Variants in ZNF695 observed in about 807,000 individuals in gnomAD.
The protein encoded by ZNF695 is zinc finger protein SBZF3.
A neutral mutation model predicts 11.2 loss-of-function variants in ZNF695; 11 were observed. That is an observed-to-expected ratio of 0.98 (90% CI 0.62 to 1.62). ZNF695 has a LOEUF of 1.62. Ranked by LOEUF, ZNF695 falls within the 40% of genes most tolerant of loss-of-function variation. The pLI, the probability that ZNF695 is intolerant of heterozygous loss-of-function variation, is 0.00. For synonymous variants in ZNF695, 190 were observed against 201.4 expected (o/e 0.94, Z 0.48); for missense variants, 559 against 590.5 (o/e 0.95, Z 0.55).
At position 246,987,072 on chromosome 1, in the gene ZNF695, T is replaced by C; in HGVS notation, c.1443A>G (p.Lys481=). ...TCTCTCTGGTATGAATTGTCTTATG[T>C]TTAGAAAGGTGTGAGCTCTGGCCAA... ...KAFGQSSHLS[K]HKTIHTREKP... The change falls in exon 4 of 4, where the codon AAA becomes AAG. Residue 481 remains lysine (K), a synonymous_variant. Transcript: ENST00000339986. 1 of 1,613,854 alleles carries C rather than the reference T, an allele frequency of 6.2e-7. No individual in the cohort carries two copies. Among genetic ancestry groups the C allele is most frequent in the Non-Finnish European group, 8.5e-7 (1 of 1,179,958 alleles).
intron 4 of ZNF695, among the ~76,000 whole-genome samples, chr1:246,977,306 G>T (rs1392891458): frequency 6.6e-6 from 1 of 152,224 alleles, no homozygotes; most frequent in Non-Finnish European, 1.5e-5. Context: ...GCCCAGGCTG[G>T]AGTGCAGTGG....
At position 246,978,690 on chromosome 1, in the gene ZNF695, C is replaced by T. The variant is rs146775368; in HGVS notation, c.390+9435G>A. 3.9e-3 allele frequency among the ~76,000 whole-genome samples: 591 copies of T among 152,268 alleles called. 5 individuals carry two copies. Among genetic ancestry groups the T allele is most frequent in the African/African-American group, 0.013 (548 of 41,552 alleles). ...GACTATGTTAACTCAGGATAAACTA[C>T]GGCTCAGGTACTGCAGAGGCTGCTG... On this transcript the variant is annotated intron_variant, in intron 4 of 5. Coordinates refer to the ZNF695 transcript ENST00000487338.
chr1:246,984,712 G>T (rs1184968210), downstream of ZNF695, among the ~76,000 whole-genome samples: 1 of 152,124 alleles, frequency 6.6e-6, no homozygotes, highest in Non-Finnish European at 1.5e-5. Flanking sequence ...AAGTTGGCTC[G>T]AATAGTGTTC....
chr1:246,974,167 A>AAAC (rs1668501010), intron 4 of ZNF695, among the ~76,000 whole-genome samples: 1 of 151,804 alleles, frequency 6.6e-6, no homozygotes, highest in Non-Finnish European at 1.5e-5. Context: ...CAAACAAAAA[A>AAAC]AAACAAACAA....
chr1:246,988,251 C>T lies in ZNF695; in HGVS notation c.264G>A (p.Leu88=). 2 of 1,541,988 alleles carry T rather than the reference C, an allele frequency of 1.3e-6. No individual in the cohort carries two copies. The highest frequency in any genetic ancestry group is 1.7e-6 in the Non-Finnish European group (2 of 1,149,582). Residue 88 remains leucine, a synonymous_variant, in exon 4 of 4, where the codon TTG becomes TTA. Coordinates refer to ENST00000339986, the MANE Select transcript of ZNF695 (RefSeq NM_020394.5). ...AAATGTCTTCAGTAAGATAAGAAGA[C>T]AAAACTGGAAAAAATAAAAACAACA... ...NTEKTARHSV[L]SSYLTEDILP...
chr1:246,965,356 C>CAAA (rs576946423), intron 5 of ZNF695, among the ~76,000 whole-genome samples: 2 of 67,472 alleles, frequency 3.0e-5, no homozygotes, highest in African/African-American at 4.6e-5. Context: ...GACTCTGTCT[C>CAAA]AAAAAAAAAA....
chr1:246,968,059 AC>A (rs141946546), intron 4 of ZNF695: 1,548 of 153,658 alleles, frequency 0.01, 24 homozygotes, highest in African/African-American at 0.035. Flanking sequence ...TGCTTTCCAA[AC>A]AGTCTCCCAA....
chr1:246,973,174 C>T (rs566697478), intron 4 of ZNF695, among the ~76,000 whole-genome samples: 1 of 151,886 alleles, frequency 6.6e-6, no homozygotes, highest in Non-Finnish European at 1.5e-5. Context: ...CTCAGCCTCC[C>T]GAGTAGCTGG....
intron 3 of ZNF695, among the ~76,000 whole-genome samples, chr1:246,996,823 G>C (rs1669225998): frequency 6.6e-6 from 1 of 152,116 alleles, no homozygotes; most frequent in South Asian, 2.1e-4. Flanking sequence ...ATCTGAAACA[G>C]ATCCTTAAAA....
chr1:246,955,384 T>C (rs778152578), intron 5 of ZNF695, among the ~76,000 whole-genome samples: 2 of 152,204 alleles, frequency 1.3e-5, no homozygotes, highest in Non-Finnish European at 2.9e-5. Flanking sequence ...ATTGTAACCT[T>C]AGGGGATCAC....
Position 246,951,225 on chromosome 1 carries a change from A to G in ZNF695, c.489-5398T>C, listed in dbSNP as rs143460868. Reference sequence around the variant, plus strand: ...TATGCGCTGAACTGTGTTCCCCAAAAAGGTATGCTGAAGTCCTACCCCCAG... The same window carrying G: ...TATGCGCTGAACTGTGTTCCCCAAAGAGGTATGCTGAAGTCCTACCCCCAG... On this transcript the variant is annotated intron_variant, in intron 5 of 5. Transcript: ENST00000487338. Among the ~76,000 whole-genome samples, 4 of 152,132 alleles carry G rather than the reference A, an allele frequency of 2.6e-5. No individual in the cohort carries two copies. In the East Asian group the frequency reaches 5.8e-4, roughly 22 times the overall value.
In ZNF695 at chr1:247,007,992, C is replaced by T. The variant is rs1009680902; in HGVS notation, c.-84G>A. 5 of 1,385,240 alleles carry T rather than the reference C, an allele frequency of 3.6e-6. No homozygotes were observed. Among genetic ancestry groups the T allele is most frequent in the Middle Eastern group, 1.9e-4 (1 of 5,146 alleles). 85.8% of individuals were successfully genotyped at this position (1,385,240 alleles called of 1,614,324 possible). A position where few individuals can be genotyped will look rare whatever the true frequency, so the allele number is the denominator to read the frequency against. ...ACAGGGCGATGGAGCCTGCGGCAGT[C>T]ACCCGGGACTCTCCGAGAGGCAGCA... On this transcript the variant is annotated 5_prime_UTR_variant, in exon 1 of 4. Coordinates refer to ENST00000339986, the MANE Select transcript of ZNF695 (RefSeq NM_020394.5).
intron 3 of ZNF695, among the ~76,000 whole-genome samples, chr1:246,998,605 T>G (rs1257103797): frequency 6.6e-6 from 1 of 152,316 alleles, no homozygotes; most frequent in East Asian, 1.9e-4. Flanking sequence ...TGTTCTGGGA[T>G]TTCTTAACCA....
Position 246,985,649 on chromosome 1 carries a change from G to A in ZNF695, c.*1318C>T, listed in dbSNP as rs188047973. On this transcript the variant is annotated 3_prime_UTR_variant, in exon 4 of 4. Transcript: ENST00000339986. ...AAATTAAGTTCAAACAGTCTAAAAA[G>A]AGCATTTCAAAATCCACTGAATTTT... 4 of 985,326 alleles carry A rather than the reference G, an allele frequency of 4.1e-6. No homozygotes were observed. The African/African-American group carries it at 7.0e-5, about 17-fold the overall frequency. The allele number at this position is 985,326 out of a possible 1,614,324, so 61.0% of individuals were successfully genotyped here. A position where few individuals can be genotyped will look rare whatever the true frequency, so the allele number is the denominator to read the frequency against.
intron 4 of ZNF695, among the ~76,000 whole-genome samples, chr1:246,975,545 G>A (rs1035106323): frequency 2.0e-5 from 3 of 152,194 alleles, no homozygotes; most frequent in Non-Finnish European, 4.4e-5. Flanking sequence ...AGGGCTGTGG[G>A]AGCAATAATA....
intron 4 of ZNF695, among the ~76,000 whole-genome samples, chr1:246,975,015 T>C (rs61852588): frequency 0.13 from 19,991 of 152,258 alleles, 1,461 homozygotes; most frequent in Middle Eastern, 0.17. Context: ...CTTCCGAGCC[T>C]CATGGAGACC....
intron 4 of ZNF695, among the ~76,000 whole-genome samples, chr1:246,974,351 G>C (rs559399305): frequency 1.3e-5 from 2 of 152,242 alleles, no homozygotes; most frequent in South Asian, 4.1e-4. Flanking sequence ...CTCTGGTCTA[G>C]GATTCAAAAT....
At chr1:246,996,435 C>A (rs1669212719) in intron 3 of ZNF695, among the ~76,000 whole-genome samples, 1 of 152,076 alleles carries the variant, frequency 6.6e-6, no homozygotes, top group Non-Finnish European at 1.5e-5. Context: ...AACAACCCCA[C>A]AAATAATGGA....
chr1:246,971,563 G>C (rs1434339004), intron 4 of ZNF695, among the ~76,000 whole-genome samples: 1 of 152,132 alleles, frequency 6.6e-6, no homozygotes, highest in African/African-American at 2.4e-5. Flanking sequence ...TAGTGGCCCT[G>C]TCTGGGCATG....
Sources: allele counts gnomAD v4.1 joint callset (sites outside exome capture counted in the v4.1 genomes callset), GRCh38; gene constraint gnomAD v4.1.1; transcripts MANE v1.5; gene names NCBI Gene and HGNC (gene_info 2026-07-23, HGNC 2026-07-21).